Variants in LYST observed in about 807,000 individuals in gnomAD.
The protein encoded by LYST is lysosomal-trafficking regulator.
LYST carries 192 observed loss-of-function variants against 413.6 expected under a neutral mutation model. The ratio of observed to expected loss-of-function variants is 0.46; its 90% confidence interval spans 0.41 to 0.52. The LOEUF (loss-of-function observed/expected upper bound fraction) is 0.52, where lower values mean the gene tolerates loss of function less well. Among genes scored for constraint, LYST ranks in the 20% least tolerant of loss-of-function variants. The probability of loss-of-function intolerance (pLI) is 0.00; values close to 1 mark genes in which losing one functional copy is unlikely to be tolerated. For missense variants in LYST, 3,815 were observed against 4,499.9 expected (o/e 0.85, Z 4.35); for synonymous variants, 1,525 against 1,567.3 (o/e 0.97, Z 0.64).
intron 31 of LYST, chr1:235,738,774 T>G (rs1444371649): frequency 2.6e-6 from 3 of 1,133,826 alleles, no homozygotes; most frequent in Admixed American, 3.4e-5. Context: ...TGTGGCAGAT[T>G]TGGCAGAAAG....
intron 19 of LYST, among the ~76,000 whole-genome samples, chr1:235,771,913 GTTTGT>G (rs1668721728): frequency 1.1e-5 from 1 of 95,182 alleles, no homozygotes; most frequent in Non-Finnish European, 2.1e-5. Context: ...AGGTTTTTTA[GTTTGT>G]TTTTTTTTTT....
rs138046829 is a variant in LYST at position 235,828,251 on chromosome 1, T to A, written c.192+1975A>T. On this transcript the variant is annotated intron_variant, in intron 3 of 52. Transcript: ENST00000389793. ...TGGAGAGATAGAAAGTAGATTAGTG[T>A]TTGCTTAGGGGTAGGGGAATGGAAG... The A allele has an allele frequency of 1.4e-4, 96 of 672,366 alleles. No homozygotes were observed. The African/African-American group carries it at 1.8e-3, about 13-fold the overall frequency. 41.7% of individuals were successfully genotyped at this position (672,366 alleles called of 1,614,324 possible).
chr1:235,777,342 A>C (rs569994912), intron 16 of LYST, 34 bp from the exon 17 acceptor site: 7 of 1,596,346 alleles, frequency 4.4e-6, no homozygotes, highest in Non-Finnish European at 6.0e-6. Context: ...AGTAATGACA[A>C]CAAGTTTAAA....
intron 5 of LYST, among the ~76,000 whole-genome samples, chr1:235,807,885 A>C (rs1215350173): frequency 6.6e-6 from 1 of 152,156 alleles, no homozygotes; most frequent in Non-Finnish European, 1.5e-5. Flanking sequence ...CCTCTGCCTC[A>C]ATAATCATTT....
At position 235,716,726 on chromosome 1, in the gene LYST, C is replaced by A. The variant is rs748026529; in HGVS notation, c.9613G>T (p.Val3205Leu). ...ACAAAAGCTACCTTGTATGTGTCCA[C>A]ATAACGATCTTCTTTTTCTTTATAC... ...VQYKEKEDRY[V>L]DTYKYLEEEY... Residue 3205 changes from valine (V) to leucine (L), a missense_variant, in exon 41 of 53, where the codon GTG (valine) becomes TTG (leucine). Physicochemically the swap from Val to Leu is conservative, Grantham distance 32. Transcript: ENST00000389793. 1 of 1,593,822 alleles carries A rather than the reference C, an allele frequency of 6.3e-7. No individual in the cohort carries two copies. The highest frequency in any genetic ancestry group is 2.2e-5 in the East Asian group (1 of 44,652).
chr1:235,773,376 C>T (rs890722891), intron 19 of LYST, among the ~76,000 whole-genome samples: 4 of 151,690 alleles, frequency 2.6e-5, no homozygotes, highest in Non-Finnish European at 4.4e-5. Context: ...CTTCTATTCA[C>T]GGTAGCTAAA....
chr1:235,839,806 A>AAAAAT (rs1246368087), intron 1 of LYST: 1 of 151,998 alleles, frequency 6.6e-6, no homozygotes, highest in Admixed American at 6.6e-5. Flanking sequence ...CTCTGTCTCA[A>AAAAAT]AAAATAAAAT....
chr1:235,785,419 T>C (rs1670317036), intron 14 of LYST, among the ~76,000 whole-genome samples: 1 of 152,220 alleles, frequency 6.6e-6, no homozygotes, highest in South Asian at 2.1e-4. Flanking sequence ...CTAGGCCTAA[T>C]TAATATATCA....
At chr1:235,830,677 C>A (rs758740364) in intron 2 of LYST, among the ~76,000 whole-genome samples, 1 of 152,018 alleles carries the variant, frequency 6.6e-6, no homozygotes, top group Non-Finnish European at 1.5e-5. Flanking sequence ...AGTAACAGCA[C>A]CTGGATGGAA....
intron 10 of LYST, among the ~76,000 whole-genome samples, chr1:235,796,595 G>C (rs2102791242): frequency 6.6e-6 from 1 of 152,346 alleles, no homozygotes; most frequent in Middle Eastern, 3.4e-3. Context: ...AGTGTTAAGA[G>C]ATGGGATCTT....
At position 235,702,882 on chromosome 1, in the gene LYST, C is replaced by G; in HGVS notation, c.10239G>C (p.Gln3413His). 1 of 1,614,226 alleles carries G rather than the reference C, an allele frequency of 6.2e-7. No homozygotes were observed. Among genetic ancestry groups the G allele is most frequent in the Non-Finnish European group, 8.5e-7 (1 of 1,180,042 alleles). Residue 3413 changes from glutamine (Q) to histidine (H), a missense_variant, in exon 45 of 53, where the codon CAG becomes CAC. By Grantham distance (24) the Gln-to-His change is conservative. Around this residue, in one of 4 missense-constraint regions of LYST, gnomAD observed 866 missense variants for 1,156.0 expected, o/e 0.75. Coordinates refer to ENST00000389793, the MANE Select transcript of LYST (RefSeq NM_000081.4). Reference protein sequence around the residue: ...MIKTYGQTPRQLFHMAHVSRP... With the variant: ...MIKTYGQTPRHLFHMAHVSRP... ...TGCTCACATGGGCCATGTGGAACAGCTGACGGGGAGTCTGCCCGTAGGTTT... is the reference window on the plus strand; with the variant it reads ...TGCTCACATGGGCCATGTGGAACAGGTGACGGGGAGTCTGCCCGTAGGTTT...
At chr1:235,792,883 C>G (rs183923178) in intron 11 of LYST, among the ~76,000 whole-genome samples, 5 of 149,600 alleles carry the variant, frequency 3.3e-5, no homozygotes, top group Admixed American at 6.6e-5. Flanking sequence ...AGGCTGGTCT[C>G]GAACACCTGA....
In LYST at chr1:235,702,810, C is replaced by T; in HGVS notation, c.10311G>A (p.Val3437=). The T allele has an allele frequency of 6.2e-7, 1 of 1,614,190 alleles. No individual in the cohort carries two copies. The highest frequency in any genetic ancestry group is 8.5e-7 in the Non-Finnish European group (1 of 1,180,024). ...LNIEGELPAA[V]GLLVQFAFRE... ...TGAAAGCAAACTGCACTAGCAACCC[C>T]ACAGCAGCTGGAAGCTCTCCTTCAA... is the stretch of plus-strand genomic sequence containing the variant. The change falls in exon 45 of 53, where the codon GTG becomes GTA. Residue 3437 remains valine, a synonymous_variant. Coordinates refer to ENST00000389793, the MANE Select transcript of LYST (RefSeq NM_000081.4).
chr1:235,876,791 A>G (rs1158628573), intron 1 of LYST, among the ~76,000 whole-genome samples: 1 of 152,254 alleles, frequency 6.6e-6, no homozygotes, highest in African/African-American at 2.4e-5. Flanking sequence ...ATTTGGAATC[A>G]GAACTGAATA....
intron 48 of LYST, among the ~76,000 whole-genome samples, chr1:235,680,274 G>A (rs577943588): frequency 2.0e-5 from 3 of 152,070 alleles, no homozygotes; most frequent in Admixed American, 2.0e-4. Flanking sequence ...TTTGTTTTTT[G>A]AGACAGGGTC....
intron 42 of LYST, among the ~76,000 whole-genome samples, chr1:235,714,124 T>C (rs1468436347): frequency 6.6e-6 from 1 of 152,172 alleles, no homozygotes; most frequent in Non-Finnish European, 1.5e-5. Context: ...AATCAGAACA[T>C]GTCCAGAAAG....
At chr1:235,757,162 A>G in intron 24 of LYST, 119 bp downstream of exon 24, 1 of 665,624 alleles carries the variant, frequency 1.5e-6, no homozygotes, top group Non-Finnish European at 2.5e-6. Context: ...ATATTAGTTC[A>G]TTATTCTAAA....
chr1:235,738,968 A>G, intron 31 of LYST: 4 of 724,686 alleles, frequency 5.5e-6, no homozygotes, highest in Non-Finnish European at 1.0e-5. Flanking sequence ...TTTGGGGGAT[A>G]CAAAAAGAGC....
At chr1:235,785,651 C>T (rs547377797) in intron 14 of LYST, among the ~76,000 whole-genome samples, 18 of 152,298 alleles carry the variant, frequency 1.2e-4, no homozygotes, top group Non-Finnish European at 2.4e-4. Flanking sequence ...CTAGACTTCT[C>T]AGCTTGGCAT....
Sources: allele counts gnomAD v4.1 joint callset (sites outside exome capture counted in the v4.1 genomes callset), GRCh38; gene constraint gnomAD v4.1.1; regional missense constraint gnomAD v4.1.1; transcripts MANE v1.5; gene names NCBI Gene and HGNC (gene_info 2026-07-23, HGNC 2026-07-21).